Variants in RYR2 observed in about 807,000 individuals in gnomAD.
The protein encoded by RYR2 is cardiac muscle ryanodine receptor-calcium release channel.
A neutral mutation model predicts 601.1 loss-of-function variants in RYR2; 227 were observed. That is an observed-to-expected ratio of 0.38 (90% CI 0.34 to 0.42). RYR2 has a LOEUF of 0.42. Among genes scored for constraint, RYR2 ranks in the 10% least tolerant of loss-of-function variants. The probability of loss-of-function intolerance (pLI) is 1.00; values close to 1 mark genes in which losing one functional copy is unlikely to be tolerated. For synonymous variants in RYR2, 2,223 were observed against 2,175.1 expected (o/e 1.02, Z -0.61); for missense variants, 4,646 against 6,156.5 (o/e 0.75, Z 8.21).
intron 1 of RYR2, among the ~76,000 whole-genome samples, chr1:237,197,393 T>A (rs1680685989): frequency 1.3e-5 from 2 of 152,230 alleles, no homozygotes; most frequent in Non-Finnish European, 2.9e-5. Context: ...TTTTATTAAG[T>A]ACTTTTCTAC....
At chr1:237,254,517 T>C (rs1233251517) in intron 1 of RYR2, among the ~76,000 whole-genome samples, 1 of 152,240 alleles carries the variant, frequency 6.6e-6, no homozygotes, top group African/African-American at 2.4e-5. Context: ...TGGTTTTCTT[T>C]TCAGAATTTT....
Position 237,427,736 on chromosome 1 carries a change from T to C in RYR2, c.1005+4488T>C, listed in dbSNP as rs1706319679. 3.9e-5 allele frequency among the ~76,000 whole-genome samples: 5 copies of C among 129,844 alleles called. No individual in the cohort carries two copies. The South Asian group carries it at 1.1e-3, about 30-fold the overall frequency. The allele number at this position is 129,844 out of a possible 152,430, so 85.2% of individuals were successfully genotyped here. A position where few individuals can be genotyped will look rare whatever the true frequency, so the allele number is the denominator to read the frequency against. On this transcript the variant is annotated intron_variant, in intron 12 of 104. Coordinates refer to ENST00000366574, the MANE Select transcript of RYR2 (RefSeq NM_001035.3). ...AGGCAGAGGTTGCAGTGAGCCTAAATTGTGCCACTGCACTCCAGCCTGGGC... is the reference window on the plus strand; with the variant it reads ...AGGCAGAGGTTGCAGTGAGCCTAAACTGTGCCACTGCACTCCAGCCTGGGC...
In RYR2 at chr1:237,784,388, C is replaced by A. The variant is rs1293881648; in HGVS notation, c.12676C>A (p.Pro4226Thr). ...ANKEESEKER[P>T]EEQGPRMAFF... Reference sequence around the variant, plus strand: ...TAAGGAAGAAAGCGAGAAGGAGAGGCCGGAAGAGCAGGGGCCGAGGATGGC... The same window carrying A: ...TAAGGAAGAAAGCGAGAAGGAGAGGACGGAAGAGCAGGGGCCGAGGATGGC... The change falls in exon 90 of 105, where the codon CCG becomes ACG. Residue 4226 changes from proline to threonine, a missense_variant. Physicochemically the swap from Pro to Thr is conservative, Grantham distance 38. This residue lies in a region of RYR2 where 364 missense variants were observed against 442.9 expected (regional missense o/e 0.82). Coordinates refer to ENST00000366574, the MANE Select transcript of RYR2 (RefSeq NM_001035.3). This position sits in a 1 kb window ranked among gnomAD's most constrained non-coding sequence, Gnocchi z 7.1. 2 of 1,613,834 alleles carry A rather than the reference C, an allele frequency of 1.2e-6. No homozygotes were observed. The highest frequency in any genetic ancestry group is 1.7e-6 in the Non-Finnish European group (2 of 1,179,870).
rs78745623 is a variant in RYR2 at position 237,134,053 on chromosome 1, G to A, written c.48+91484G>A. ...TGTTCCCTTGGGTCTGAAGTACCAA[G>A]CTCACTAGGATGACTTCTGAATGAT... is the stretch of plus-strand genomic sequence containing the variant. On this transcript the variant is annotated intron_variant, in intron 1 of 104. Transcript: ENST00000366574. 5.3e-5 allele frequency among the ~76,000 whole-genome samples: 8 copies of A among 152,186 alleles called. No homozygotes were observed. In the East Asian group the frequency reaches 1.5e-3, roughly 29 times the overall value.
intron 35 of RYR2, among the ~76,000 whole-genome samples, chr1:237,609,010 C>G (rs879511390): frequency 2.0e-4 from 31 of 151,280 alleles, no homozygotes; most frequent in Non-Finnish European, 3.4e-4. Flanking sequence ...TCTCTTCTCC[C>G]TCTCCCTCCC....
At chr1:237,733,282 A>G (rs983147203) in intron 78 of RYR2, among the ~76,000 whole-genome samples, 2 of 152,196 alleles carry the variant, frequency 1.3e-5, no homozygotes, top group Admixed American at 6.5e-5. Flanking sequence ...AGGGATCATT[A>G]TTATGGCCAT....
intron 12 of RYR2, among the ~76,000 whole-genome samples, chr1:237,435,467 A>G (rs1707248715): frequency 6.6e-6 from 1 of 152,208 alleles, no homozygotes; most frequent in Admixed American, 6.5e-5. Flanking sequence ...ACCCATGGAG[A>G]TGAATTTTGC....
At chr1:237,768,321 C>T (rs1694001184) in intron 84 of RYR2, among the ~76,000 whole-genome samples, 1 of 152,084 alleles carries the variant, frequency 6.6e-6, no homozygotes, top group South Asian at 2.1e-4. Flanking sequence ...TTAACCTTTC[C>T]ACAATTTACA....
chr1:237,711,015 A>G (rs1309862918), intron 70 of RYR2, among the ~76,000 whole-genome samples: 1 of 152,160 alleles, frequency 6.6e-6, no homozygotes, highest in African/African-American at 2.4e-5. Context: ...TAAAAACTGC[A>G]TATTTTTATT....
chr1:237,222,412 CA>C (rs35919052), intron 1 of RYR2, among the ~76,000 whole-genome samples: 60,982 of 136,514 alleles, frequency 0.45, 12,656 homozygotes, highest in East Asian at 0.59. Context: ...GACTCCATCT[CA>C]AAAAAAAAAA....
chr1:237,584,172 TG>T (rs1243208822), intron 29 of RYR2, among the ~76,000 whole-genome samples: 1 of 152,156 alleles, frequency 6.6e-6, no homozygotes, highest in African/African-American at 2.4e-5. Flanking sequence ...TTACATGTGC[TG>T]GGGGAGAGGC....
At chr1:237,810,986 C>CAGGGGTAGGACCATAGATCA (rs763385599) in intron 100 of RYR2, among the ~76,000 whole-genome samples, 99 of 152,236 alleles carry the variant, frequency 6.5e-4, no homozygotes, top group Admixed American at 1.7e-3. Flanking sequence ...AGGATTCCTA[C>CAGGGGTAGGACCATAGATCA]AGGGGTAGGA....
At chr1:237,134,414 G>A (rs1177236351) in intron 1 of RYR2, among the ~76,000 whole-genome samples, 2 of 152,164 alleles carry the variant, frequency 1.3e-5, no homozygotes, top group East Asian at 3.8e-4. Flanking sequence ...CAGTCATGGC[G>A]GAAGAGCAAG....
chr1:237,294,730 A>G (rs58185430), intron 2 of RYR2, among the ~76,000 whole-genome samples: 14,905 of 152,144 alleles, frequency 0.098, 1,454 homozygotes, highest in African/African-American at 0.24. Flanking sequence ...TCTGGAGTGT[A>G]TGGTGGTTTC....
intron 1 of RYR2, among the ~76,000 whole-genome samples, chr1:237,236,973 G>A (rs1322889233): frequency 1.3e-5 from 2 of 152,132 alleles, no homozygotes; most frequent in African/African-American, 2.4e-5. Flanking sequence ...CATATGTCAA[G>A]GGAGGGACTG....
intron 48 of RYR2, among the ~76,000 whole-genome samples, chr1:237,646,141 T>C (rs1630261): frequency 0.47 from 70,880 of 151,862 alleles, 17,965 homozygotes; most frequent in Non-Finnish European, 0.58. Context: ...CCTCCCAAAG[T>C]GCTGGGATTA....
At chr1:237,111,449 G>A (rs1050701795) in intron 1 of RYR2, among the ~76,000 whole-genome samples, 2 of 152,102 alleles carry the variant, frequency 1.3e-5, no homozygotes, top group African/African-American at 2.4e-5. Flanking sequence ...TTAGCCGGGC[G>A]CGGTGGCAGG....
chr1:237,192,189 A>C (rs926067234), intron 1 of RYR2, among the ~76,000 whole-genome samples: 8 of 151,766 alleles, frequency 5.3e-5, no homozygotes, highest in African/African-American at 1.5e-4. Flanking sequence ...AAAAAAAAAA[A>C]CATTTTCTTA....
At chr1:237,638,036 T>C (rs1170031710) in intron 44 of RYR2, among the ~76,000 whole-genome samples, 1 of 151,180 alleles carries the variant, frequency 6.6e-6, no homozygotes, top group Non-Finnish European at 1.5e-5. Flanking sequence ...TTCTAGTCCG[T>C]GAGTCTTGAG....
Sources: allele counts gnomAD v4.1 joint callset (sites outside exome capture counted in the v4.1 genomes callset), GRCh38; gene constraint gnomAD v4.1.1; regional missense constraint gnomAD v4.1.1; non-coding constraint Gnocchi (gnomAD v3.1); transcripts MANE v1.5; gene names NCBI Gene and HGNC (gene_info 2026-07-23, HGNC 2026-07-21).